Variants in FAM151B observed in about 807,000 individuals in gnomAD.
FAM151B encodes the protein protein FAM151B.
In FAM151B, 24 loss-of-function variants were observed where a neutral mutation model predicts 31.2. The observed-to-expected ratio is 0.77, with a 90% CI of 0.56 to 1.08. FAM151B has a LOEUF of 1.08. Among genes scored for constraint, FAM151B ranks in the 50% least tolerant of loss-of-function variants. The pLI is 0.00. For synonymous variants in FAM151B, 105 were observed against 111.4 expected (o/e 0.94, Z 0.36); for missense variants, 293 against 328.6 (o/e 0.89, Z 0.84).
chr5:80,536,398 A>C (rs2443551), intron 5 of FAM151B, among the ~76,000 whole-genome samples: 14,553 of 151,482 alleles, frequency 0.096, 970 homozygotes, highest in African/African-American at 0.18. Context: ...CTGGTCTCAA[A>C]CTCCTGACCT....
chr5:80,535,191 A>T (rs1286171231), intron 5 of FAM151B, among the ~76,000 whole-genome samples: 1 of 152,230 alleles, frequency 6.6e-6, no homozygotes, highest in Non-Finnish European at 1.5e-5. Context: ...CAATCTGTAG[A>T]TTCAATGCAG....
At chr5:80,489,281 C>T (rs914297731) in intron 1 of FAM151B, among the ~76,000 whole-genome samples, 9 of 151,898 alleles carry the variant, frequency 5.9e-5, no homozygotes, top group Non-Finnish European at 1.2e-4. Flanking sequence ...TTGTTTTTAT[C>T]CTGGACACGA....
Position 80,513,782 on chromosome 5 carries a change from A to G in FAM151B, c.317+13A>G. On this transcript the variant is annotated intron_variant, in intron 3 of 5. Coordinates refer to ENST00000282226, the MANE Select transcript of FAM151B (RefSeq NM_205548.3). ...TGGATTTCAAAAGGTATTTGTATAA[A>G]CACGTTCAATTTTCTGGGAAAAAAG... The G allele has an allele frequency of 6.3e-7, 1 of 1,591,106 alleles. No homozygotes were observed. The highest frequency in any genetic ancestry group is 1.1e-5 in the South Asian group (1 of 87,120).
intron 2 of FAM151B, 148 bp from the exon 3 acceptor site, chr5:80,513,456 A>T: frequency 1.4e-6 from 1 of 692,900 alleles, no homozygotes. Flanking sequence ...CGGACCTTGT[A>T]TACTGCCTGG....
At chr5:80,499,838 G>A (rs926330420) in intron 1 of FAM151B, 1 of 148,044 alleles carries the variant, frequency 6.8e-6, no homozygotes, top group Non-Finnish European at 1.5e-5. Flanking sequence ...TCAATATCTT[G>A]TCTGTTCTTT....
chr5:80,507,970 T>G (rs1744037613), intron 2 of FAM151B, among the ~76,000 whole-genome samples: 1 of 152,180 alleles, frequency 6.6e-6, no homozygotes, highest in Non-Finnish European at 1.5e-5. Flanking sequence ...ATCGGCTGAA[T>G]TGTCACTTCC....
intron 1 of FAM151B, among the ~76,000 whole-genome samples, chr5:80,491,001 T>G (rs974436511): frequency 6.6e-6 from 1 of 152,182 alleles, no homozygotes; most frequent in Admixed American, 6.5e-5. Flanking sequence ...AATAGCAAAC[T>G]TTCTTTTTTA....
intron 5 of FAM151B, among the ~76,000 whole-genome samples, chr5:80,534,316 C>T (rs951816415): frequency 2.0e-5 from 3 of 151,634 alleles, no homozygotes; most frequent in African/African-American, 7.3e-5. Flanking sequence ...AAAAAACCTA[C>T]AAATCAATAT....
At chr5:80,539,358 T>C (rs187622780) in intron 5 of FAM151B, among the ~76,000 whole-genome samples, 2 of 122,868 alleles carry the variant, frequency 1.6e-5, no homozygotes, top group East Asian at 4.3e-4. Flanking sequence ...GTGTTCTTGG[T>C]CTTATTTAAT....
chr5:80,538,818 T>C (rs568106986), intron 5 of FAM151B, among the ~76,000 whole-genome samples: 14 of 151,988 alleles, frequency 9.2e-5, no homozygotes, highest in African/African-American at 3.1e-4. Flanking sequence ...AGGCTGGTCT[T>C]GAACGCCTGA....
Position 80,541,912 on chromosome 5 carries a change from T to C in FAM151B, c.*80T>C, listed in dbSNP as rs1466630740. On this transcript the variant is annotated 3_prime_UTR_variant, in exon 6 of 6. Coordinates refer to ENST00000282226, the MANE Select transcript of FAM151B (RefSeq NM_205548.3). Reference sequence around the variant, plus strand: ...TGGTCTGAATTAATTACCATATAAATTATGGTTATTGATTGACGTTCCAAG... The same window carrying C: ...TGGTCTGAATTAATTACCATATAAACTATGGTTATTGATTGACGTTCCAAG... 1.0e-5 allele frequency: 14 copies of C among 1,395,980 alleles called. No individual in the cohort carries two copies. Among genetic ancestry groups the C allele is most frequent in the African/African-American group, 1.5e-5 (1 of 68,536 alleles). 86.5% of individuals were successfully genotyped at this position (1,395,980 alleles called of 1,614,324 possible).
chr5:80,500,573 T>C, intron 1 of FAM151B: 1 of 756,192 alleles, frequency 1.3e-6, no homozygotes, highest in East Asian at 2.4e-5. Flanking sequence ...TGGCAACTTC[T>C]GTGTACCTGC....
intron 2 of FAM151B, among the ~76,000 whole-genome samples, chr5:80,506,308 A>G (rs966774626): frequency 2.0e-5 from 3 of 152,204 alleles, no homozygotes; most frequent in African/African-American, 7.2e-5. Context: ...ATGTAGCCCT[A>G]GTGATTATTG....
At chr5:80,495,745 G>T (rs143430146) in intron 1 of FAM151B, among the ~76,000 whole-genome samples, 1 of 148,606 alleles carries the variant, frequency 6.7e-6, no homozygotes, top group Admixed American at 6.9e-5. Flanking sequence ...CAGGAGAATG[G>T]CATGAACCCA....
chr5:80,488,229 T>A (rs1743182162), intron 1 of FAM151B, 81 bp downstream of exon 1: 1 of 1,470,800 alleles, frequency 6.8e-7, no homozygotes, highest in African/African-American at 1.5e-5. Flanking sequence ...CTTTGCGGGC[T>A]CCCGCGGTCT....
chr5:80,489,938 C>T (rs1743249361), intron 1 of FAM151B, among the ~76,000 whole-genome samples: 1 of 148,706 alleles, frequency 6.7e-6, no homozygotes, highest in African/African-American at 2.6e-5. Context: ...AAAACAAAAA[C>T]AAAAATTTCT....
intron 2 of FAM151B, among the ~76,000 whole-genome samples, chr5:80,504,205 G>A (rs1743859713): frequency 6.6e-6 from 1 of 152,186 alleles, no homozygotes; most frequent in Non-Finnish European, 1.5e-5. Flanking sequence ...CTACTTAGAT[G>A]TTTCAACCAG....
At chr5:80,540,054 A>G (rs1232687869) in intron 5 of FAM151B, among the ~76,000 whole-genome samples, 1 of 152,256 alleles carries the variant, frequency 6.6e-6, no homozygotes, top group East Asian at 1.9e-4. Flanking sequence ...GCAGCCTCCC[A>G]GTCAGGAAGT....
intron 5 of FAM151B, among the ~76,000 whole-genome samples, chr5:80,541,200 A>G (rs1297833305): frequency 6.6e-6 from 1 of 152,228 alleles, no homozygotes; most frequent in East Asian, 1.9e-4. Context: ...TCTCATACAA[A>G]AACCTCCAAA....
Sources: allele counts gnomAD v4.1 joint callset (sites outside exome capture counted in the v4.1 genomes callset), GRCh38; gene constraint gnomAD v4.1.1; transcripts MANE v1.5; gene names NCBI Gene and HGNC (gene_info 2026-07-23, HGNC 2026-07-21).